The following EPB41L2 variants were observed in gnomAD, a reference collection of about 807,000 sequenced individuals.
EPB41L2 encodes band 4.1-like protein 2.
A neutral mutation model predicts 113.0 loss-of-function variants in EPB41L2; 43 were observed. The observed-to-expected ratio is 0.38, with a 90% CI of 0.30 to 0.49. EPB41L2 has a LOEUF of 0.49. EPB41L2 is among the 20% of genes least tolerant of loss of function. EPB41L2 has a pLI of 0.95. For synonymous variants in EPB41L2, 442 were observed against 436.7 expected (o/e 1.01, Z -0.15); for missense variants, 1,147 against 1,223.4 (o/e 0.94, Z 0.93).
intron 18 of EPB41L2, among the ~76,000 whole-genome samples, chr6:130,862,343 G>A (rs1393830094): frequency 6.6e-6 from 1 of 152,152 alleles, no homozygotes; most frequent in African/African-American, 2.4e-5. Flanking sequence ...ACCCTAGTTT[G>A]CACTTTCCAC....
intron 3 of EPB41L2, among the ~76,000 whole-genome samples, chr6:130,934,987 GGAGA>G (rs1462764041): frequency 6.6e-6 from 1 of 151,902 alleles, no homozygotes; most frequent in African/African-American, 2.4e-5. Context: ...AGGAAGGGAG[GGAGA>G]AAGGAAAACT....
chr6:130,872,591 C>G, intron 14 of EPB41L2: 5 of 1,178,468 alleles, frequency 4.2e-6, no homozygotes, highest in Non-Finnish European at 5.5e-6. Flanking sequence ...TCAGAACAGA[C>G]AGCAGTGACC....
chr6:130,940,035 A>T (rs1810282680), intron 3 of EPB41L2, among the ~76,000 whole-genome samples: 1 of 152,238 alleles, frequency 6.6e-6, no homozygotes, highest in Non-Finnish European at 1.5e-5. Flanking sequence ...AACCTGGGAA[A>T]AGCAAAATTA....
chr6:130,931,793 C>T (rs751420639), intron 3 of EPB41L2, among the ~76,000 whole-genome samples: 2 of 152,078 alleles, frequency 1.3e-5, no homozygotes, highest in South Asian at 2.1e-4. Context: ...TCCTTTCCCC[C>T]GAGATTCTGG....
intron 18 of EPB41L2, among the ~76,000 whole-genome samples, chr6:130,861,363 C>T (rs940512645): frequency 3.9e-5 from 6 of 152,156 alleles, no homozygotes; most frequent in Middle Eastern, 3.2e-3. Flanking sequence ...TGAGCCACCG[C>T]CCCCAGCCTG....
chr6:131,044,019 CTTTTTTTTTTTT>C (rs35350923), intron 1 of EPB41L2, among the ~76,000 whole-genome samples: 1 of 103,058 alleles, frequency 9.7e-6, no homozygotes, highest in Admixed American at 1.1e-4. Flanking sequence ...CTAAATAATG[CTTTTTTTTTTTT>C]TTTTTTTTGA....
chr6:130,997,752 AG>A (rs1002588911), intron 1 of EPB41L2, among the ~76,000 whole-genome samples: 2 of 152,282 alleles, frequency 1.3e-5, no homozygotes, highest in Admixed American at 1.3e-4. Context: ...ATTGCATTTC[AG>A]GGGGGAAAAG....
chr6:130,901,823 C>T (rs965067229), intron 6 of EPB41L2, among the ~76,000 whole-genome samples: 2 of 152,194 alleles, frequency 1.3e-5, no homozygotes, highest in African/African-American at 2.4e-5. Context: ...AAGAACTCTA[C>T]CTCCCTTTGA....
chr6:130,990,954 G>C (rs1413713797), intron 1 of EPB41L2, among the ~76,000 whole-genome samples: 2 of 151,696 alleles, frequency 1.3e-5, no homozygotes, highest in Non-Finnish European at 2.9e-5. Flanking sequence ...AGCCTCCCAA[G>C]TAGCTGGGAC....
At chr6:131,060,698 T>C (rs1798487099) in intron 1 of EPB41L2, among the ~76,000 whole-genome samples, 1 of 152,212 alleles carries the variant, frequency 6.6e-6, no homozygotes, top group Non-Finnish European at 1.5e-5. Context: ...AGTAAATCGT[T>C]AAGAACAGGT....
intron 4 of EPB41L2, among the ~76,000 whole-genome samples, chr6:130,920,284 G>A (rs941423648): frequency 6.6e-5 from 10 of 152,002 alleles, no homozygotes; most frequent in African/African-American, 1.5e-4. Context: ...CTATTTCCTC[G>A]TACACACTAG....
At chr6:130,861,385 T>TA (rs1462752099) in intron 18 of EPB41L2, among the ~76,000 whole-genome samples, 1 of 152,204 alleles carries the variant, frequency 6.6e-6, no homozygotes, top group Non-Finnish European at 1.5e-5. Flanking sequence ...AGATTCCTTT[T>TA]AACGTAGGCA....
chr6:130,972,336 A>T (rs2128658466), intron 1 of EPB41L2, among the ~76,000 whole-genome samples: 1 of 151,440 alleles, frequency 6.6e-6, no homozygotes, highest in Non-Finnish European at 1.5e-5. Context: ...AAAAAAAAAA[A>T]AAAAAAAAAA....
intron 19 of EPB41L2, among the ~76,000 whole-genome samples, chr6:130,848,408 C>T (rs1475282003): frequency 6.6e-6 from 1 of 152,096 alleles, no homozygotes; most frequent in East Asian, 1.9e-4. Flanking sequence ...TAAAAAGGAA[C>T]ATGTATATGT....
intron 3 of EPB41L2, among the ~76,000 whole-genome samples, chr6:130,929,568 T>C (rs1805990740): frequency 6.6e-6 from 1 of 152,166 alleles, no homozygotes; most frequent in Non-Finnish European, 1.5e-5. Context: ...AGTTCCTATG[T>C]TAAGATACCA....
chr6:130,887,138 A>T (rs1277707145), intron 11 of EPB41L2, among the ~76,000 whole-genome samples: 1 of 152,186 alleles, frequency 6.6e-6, no homozygotes, highest in African/African-American at 2.4e-5. Flanking sequence ...TATCAAATTA[A>T]AAGTTATTAA....
chr6:131,045,622 A>G (rs1795299256), intron 1 of EPB41L2, among the ~76,000 whole-genome samples: 1 of 152,194 alleles, frequency 6.6e-6, no homozygotes, highest in South Asian at 2.1e-4. Flanking sequence ...ACATGTCAGG[A>G]GAGACTCAAA....
At chr6:130,877,920 TAAG>T (rs1788071775) in intron 14 of EPB41L2, among the ~76,000 whole-genome samples, 181 bp downstream of exon 14, 1 of 152,170 alleles carries the variant, frequency 6.6e-6, no homozygotes, top group Non-Finnish European at 1.5e-5. Context: ...GCAATTTACC[TAAG>T]AACTAGGCCA....
At chr6:130,967,057 T>G (rs1775417387) in intron 1 of EPB41L2, among the ~76,000 whole-genome samples, 1 of 152,182 alleles carries the variant, frequency 6.6e-6, no homozygotes, top group Admixed American at 6.5e-5. Flanking sequence ...ACATTTTTTT[T>G]AAGAAGTGTA....
Sources: allele counts gnomAD v4.1 joint callset (sites outside exome capture counted in the v4.1 genomes callset), GRCh38; gene constraint gnomAD v4.1.1; transcripts MANE v1.5; gene names NCBI Gene and HGNC (gene_info 2026-07-23, HGNC 2026-07-21).